Variants in MORN5 observed in about 807,000 individuals in gnomAD.
The protein encoded by MORN5 is MORN repeat-containing protein 5.
Under a neutral mutation model 22.1 loss-of-function variants are expected in MORN5, and 21 were observed. That is an observed-to-expected ratio of 0.95 (90% confidence interval 0.67 to 1.37). The LOEUF is 1.37. Ranked by LOEUF, MORN5 falls within the 40% of genes most tolerant of loss-of-function variation. The pLI, the probability that MORN5 is intolerant of heterozygous loss-of-function variation, is 0.00. For missense variants in MORN5, 211 were observed against 215.1 expected (o/e 0.98, Z 0.12); for synonymous variants, 73 against 74.0 (o/e 0.99, Z 0.07).
intron 4 of MORN5, among the ~76,000 whole-genome samples, chr9:122,195,517 ATGCCCCTCAAC>A (rs1179864196): frequency 1.3e-5 from 2 of 152,138 alleles, no homozygotes; most frequent in African/African-American, 4.8e-5. Flanking sequence ...ATTTTGTAGG[ATGCCCCTCAAC>A]TGGAATCTGT....
intron 4 of MORN5, 174 bp downstream of exon 4, chr9:122,174,801 G>A (rs897471379): frequency 5.4e-6 from 8 of 1,483,756 alleles, no homozygotes; most frequent in Admixed American, 2.1e-5. Context: ...TGGCAAATCT[G>A]TACATAGTCC....
chr9:122,173,969 G>T (rs538322076), intron 3 of MORN5, among the ~76,000 whole-genome samples: 1 of 152,246 alleles, frequency 6.6e-6, no homozygotes, highest in African/African-American at 2.4e-5. Context: ...GGCAGCCACC[G>T]TGGTAATTTT....
intron 2 of MORN5, among the ~76,000 whole-genome samples, chr9:122,168,933 T>G (rs1176028908): frequency 6.6e-6 from 1 of 152,054 alleles, no homozygotes; most frequent in Non-Finnish European, 1.5e-5. Context: ...TTAGTGTAGT[T>G]CCAGTCCAAA....
At position 122,182,798 on chromosome 9, in the gene MORN5, C is replaced by A. The variant is rs1178261087; in HGVS notation, c.439+8171C>A. Among the ~76,000 whole-genome samples, 3 of 152,156 alleles carry A rather than the reference C, an allele frequency of 2.0e-5. No homozygotes were observed. In the East Asian group the frequency reaches 5.8e-4, roughly 29 times the overall value. ...TACCTCGCATGGTCTTCCCTGCCAC[C>A]CCAAGTGGGTAATTTGCATGAGACA... On this transcript the variant is annotated intron_variant, in intron 4 of 4. Coordinates refer to ENST00000373764, the MANE Select transcript of MORN5 (RefSeq NM_198469.4).
chr9:122,189,668 A>G (rs1028452817), intron 4 of MORN5, among the ~76,000 whole-genome samples: 4 of 151,984 alleles, frequency 2.6e-5, no homozygotes, highest in African/African-American at 4.8e-5. Flanking sequence ...GTGCAGTGGC[A>G]TGATCTCGGC....
intron 3 of MORN5, among the ~76,000 whole-genome samples, chr9:122,174,225 G>A (rs1171320491): frequency 2.0e-5 from 3 of 152,138 alleles, no homozygotes; most frequent in Non-Finnish European, 4.4e-5. Flanking sequence ...CCTTTGTCAT[G>A]GTATCCGAAG....
At position 122,197,824 on chromosome 9, in the gene MORN5, C is replaced by G. The variant is rs539479212; in HGVS notation, c.440-2061C>G. Among the ~76,000 whole-genome samples the G allele has an allele frequency of 6.6e-6, 1 of 152,310 alleles. No individual in the cohort carries two copies. ...CACAGTGTGGCAAAAGTGGGCTCCA[C>G]CAGCGCTTAACTCCTTGTGTGCTGA... On this transcript the variant is annotated intron_variant, in intron 4 of 4. Transcript: ENST00000373764. The surrounding 1 kb of genome is among the most constrained non-coding windows in gnomAD (Gnocchi z 5.7).
intron 4 of MORN5, among the ~76,000 whole-genome samples, chr9:122,193,087 G>A (rs1352389839): frequency 6.6e-6 from 1 of 152,080 alleles, no homozygotes; most frequent in Non-Finnish European, 1.5e-5. Flanking sequence ...GGTCTGTGGG[G>A]GTAGGGGACA....
chr9:122,187,798 T>G (rs1829668811), intron 4 of MORN5, among the ~76,000 whole-genome samples: 1 of 152,234 alleles, frequency 6.6e-6, no homozygotes, highest in South Asian at 2.1e-4. Flanking sequence ...GTATCCCTAT[T>G]TCAGTGGTGC....
chr9:122,186,380 C>G (rs1322836154), intron 4 of MORN5, among the ~76,000 whole-genome samples: 2 of 152,160 alleles, frequency 1.3e-5, no homozygotes, highest in African/African-American at 4.8e-5. Flanking sequence ...ATGCTGTGGC[C>G]TTTTCTGAAC....
intron 4 of MORN5, among the ~76,000 whole-genome samples, chr9:122,191,179 G>A (rs895332200): frequency 2.0e-5 from 3 of 152,168 alleles, no homozygotes; most frequent in Non-Finnish European, 4.4e-5. Flanking sequence ...AGACTTTAGG[G>A]ACTCACATCC....
intron 4 of MORN5, among the ~76,000 whole-genome samples, chr9:122,181,774 T>G (rs1829541348): frequency 6.6e-6 from 1 of 152,200 alleles, no homozygotes; most frequent in African/African-American, 2.4e-5. Flanking sequence ...TCTCCTCATC[T>G]GTAAAAGGGG....
At chr9:122,186,361 T>G (rs1198877725) in intron 4 of MORN5, among the ~76,000 whole-genome samples, 1 of 152,198 alleles carries the variant, frequency 6.6e-6, no homozygotes, top group Non-Finnish European at 1.5e-5. Context: ...TGCTCTGAAC[T>G]GATGAAATAT....
At chr9:122,195,031 A>C (rs1271561638) in intron 4 of MORN5, among the ~76,000 whole-genome samples, 1 of 152,124 alleles carries the variant, frequency 6.6e-6, no homozygotes, top group Non-Finnish European at 1.5e-5. Context: ...AAAAAAAAAA[A>C]AAAGGCAAAT....
chr9:122,174,546 T>A lies in MORN5; in HGVS notation c.358T>A (p.Tyr120Asn). Residue 120 changes from tyrosine to asparagine, a missense_variant, in exon 4 of 5, where the codon TAT becomes AAT. By Grantham distance (143) the Tyr-to-Asn change is moderately radical (BLOSUM62 -2). Coordinates refer to ENST00000373764, the MANE Select transcript of MORN5 (RefSeq NM_198469.4). ...CCCACCTAGAAAAATCCCCAAGGGC[T>A]ATTACGATTGTGGAGACGGCTTCTA... ...MDPPRKIPKG[Y>N]YDCGDGFYNP... The A allele has an allele frequency of 6.2e-7, 1 of 1,614,026 alleles. No homozygotes were observed.
At chr9:122,181,801 AT>A (rs2118768263) in intron 4 of MORN5, among the ~76,000 whole-genome samples, 1 of 152,306 alleles carries the variant, frequency 6.6e-6, no homozygotes, top group African/African-American at 2.4e-5. Flanking sequence ...GGTAGTACCT[AT>A]TGGAGAAATT....
intron 1 of MORN5, among the ~76,000 whole-genome samples, chr9:122,160,806 G>A (rs1401013330): frequency 6.6e-6 from 1 of 151,954 alleles, no homozygotes; most frequent in Non-Finnish European, 1.5e-5. Flanking sequence ...TTGTAGAGAC[G>A]GCATCTTGCT....
chr9:122,186,475 C>A (rs1175592122), intron 4 of MORN5, among the ~76,000 whole-genome samples: 1 of 152,168 alleles, frequency 6.6e-6, no homozygotes, highest in Non-Finnish European at 1.5e-5. Flanking sequence ...ATTTTGCCTA[C>A]AGAGGGCGGG....
chr9:122,177,659 C>T (rs1829473722), intron 4 of MORN5, among the ~76,000 whole-genome samples: 1 of 152,188 alleles, frequency 6.6e-6, no homozygotes, highest in Admixed American at 6.5e-5. Context: ...TCTTGAACTA[C>T]TGACCTCAGG....
Sources: allele counts gnomAD v4.1 joint callset (sites outside exome capture counted in the v4.1 genomes callset), GRCh38; gene constraint gnomAD v4.1.1; non-coding constraint Gnocchi (gnomAD v3.1); transcripts MANE v1.5; gene names NCBI Gene and HGNC (gene_info 2026-07-23, HGNC 2026-07-21).